ZFPM2: variants seen among roughly 807,000 people sequenced by gnomAD.
ZFPM2 encodes zinc finger protein ZFPM2.
In ZFPM2, 20 loss-of-function variants were observed where a neutral mutation model predicts 98.6. That is an observed-to-expected ratio of 0.20 (90% CI 0.14 to 0.29). The LOEUF (loss-of-function observed/expected upper bound fraction) is 0.29. ZFPM2 is among the 10% of genes least tolerant of loss of function. The pLI is 1.00. For synonymous variants in ZFPM2, 518 were observed against 502.7 expected, an observed-to-expected ratio of 1.03 and a Z score of -0.41; for missense variants, 1,310 against 1,388.6, an observed-to-expected ratio of 0.94 and a Z score of 0.90.
intron 3 of ZFPM2, among the ~76,000 whole-genome samples, chr8:105,447,182 A>G (rs996482855): frequency 6.6e-6 from 1 of 151,866 alleles, no homozygotes; most frequent in African/African-American, 2.4e-5. Context: ...GAATATATAC[A>G]CCTACTATAT....
intron 1 of ZFPM2, among the ~76,000 whole-genome samples, chr8:105,368,933 A>G (rs1173665549): frequency 6.6e-6 from 1 of 152,174 alleles, no homozygotes; most frequent in Non-Finnish European, 1.5e-5. Flanking sequence ...TTTGAAGTGC[A>G]TGGCTATGAG....
intron 3 of ZFPM2, among the ~76,000 whole-genome samples, chr8:105,488,928 A>C (rs302955): frequency 6.6e-6 from 1 of 152,154 alleles, no homozygotes; most frequent in Non-Finnish European, 1.5e-5. Flanking sequence ...CCATTATGTA[A>C]TTTAGTTTGA....
intron 5 of ZFPM2, among the ~76,000 whole-genome samples, chr8:105,667,784 A>G (rs1292624491): frequency 6.6e-6 from 1 of 152,132 alleles, no homozygotes; most frequent in Admixed American, 6.6e-5. Context: ...TTTTTGTTTT[A>G]AAAGATAGTT....
At chr8:105,796,159 T>C (rs150559889) in intron 6 of ZFPM2, among the ~76,000 whole-genome samples, 3 of 152,350 alleles carry the variant, frequency 2.0e-5, no homozygotes, top group Non-Finnish European at 4.4e-5. Flanking sequence ...AATGTACTTA[T>C]TTTCTTTCCT....
chr8:105,535,648 G>A (rs1814434805), intron 3 of ZFPM2, among the ~76,000 whole-genome samples: 1 of 152,116 alleles, frequency 6.6e-6, no homozygotes, highest in African/African-American at 2.4e-5. Context: ...AGGCCTAGAA[G>A]GACTGTGAGG....
At chr8:105,356,599 A>C (rs559888198) in intron 1 of ZFPM2, among the ~76,000 whole-genome samples, 36 of 152,214 alleles carry the variant, frequency 2.4e-4, no homozygotes, top group Non-Finnish European at 4.7e-4. Context: ...CCCTTTTCAC[A>C]GCTATGCTTA....
At chr8:105,618,722 T>G (rs1234912911) in intron 4 of ZFPM2, among the ~76,000 whole-genome samples, 2 of 152,136 alleles carry the variant, frequency 1.3e-5, no homozygotes, top group African/African-American at 4.8e-5. Context: ...TTGGAGATGA[T>G]GCAAGTAAGA....
At chr8:105,619,075 A>G (rs924576874) in intron 4 of ZFPM2, among the ~76,000 whole-genome samples, 19 of 152,204 alleles carry the variant, frequency 1.2e-4, no homozygotes, top group African/African-American at 4.6e-4. Context: ...TAGGTTTTAA[A>G]CATAGTTATA....
rs1424727823 is a variant in ZFPM2 at position 105,582,601 on chromosome 8, C to T, written c.420+21120C>T. Among the ~76,000 whole-genome samples, 6 of 151,942 alleles carry T rather than the reference C, an allele frequency of 3.9e-5. No homozygotes were observed. In the East Asian group the frequency reaches 7.7e-4, roughly 20 times the overall value. On this transcript the variant is annotated intron_variant, in intron 4 of 7. Transcript: ENST00000407775. Reference sequence around the variant, plus strand: ...TGTTTGGCAGCAGTGTTTGTTTGTTCGTTTGTTTGTTTAGACAGGGTCTCA... The same window carrying T: ...TGTTTGGCAGCAGTGTTTGTTTGTTTGTTTGTTTGTTTAGACAGGGTCTCA...
At chr8:105,598,425 G>A (rs554218326) in intron 4 of ZFPM2, among the ~76,000 whole-genome samples, 3 of 152,118 alleles carry the variant, frequency 2.0e-5, no homozygotes, top group Non-Finnish European at 4.4e-5. Context: ...TTTAAACTTA[G>A]AATATATGCT....
At chr8:105,642,717 C>T (rs1224993355) in intron 5 of ZFPM2, among the ~76,000 whole-genome samples, 1 of 152,054 alleles carries the variant, frequency 6.6e-6, no homozygotes, top group Non-Finnish European at 1.5e-5. Flanking sequence ...ATATGAGACA[C>T]CCCCCAGCTT....
intron 3 of ZFPM2, among the ~76,000 whole-genome samples, chr8:105,496,290 G>A (rs542393342): frequency 2.0e-5 from 3 of 152,228 alleles, no homozygotes; most frequent in East Asian, 3.9e-4. Flanking sequence ...GGGATTATGG[G>A]CCTGAACCAC....
intron 1 of ZFPM2, among the ~76,000 whole-genome samples, chr8:105,336,584 G>C (rs1812328864): frequency 6.6e-6 from 1 of 151,352 alleles, no homozygotes; most frequent in Non-Finnish European, 1.5e-5. Context: ...TCACCCTAAA[G>C]TAATTTTAAA....
rs1811248453 is a variant in ZFPM2, at chr8:105,397,620, A to G, written c.41-21524A>G. 2.7e-5 allele frequency among the ~76,000 whole-genome samples: 4 copies of G among 150,560 alleles called. No individual in the cohort carries two copies. In the South Asian group the frequency reaches 8.3e-4, roughly 31 times the overall value. On this transcript the variant is annotated intron_variant, in intron 1 of 7. Coordinates refer to ENST00000407775, the MANE Select transcript of ZFPM2 (RefSeq NM_012082.4). The stretch of plus-strand genomic sequence containing the variant: ...CTGAGGAGTTTTTGCTCTTAGAGGT[A>G]CATTAAATAGCCAACTTTCTGTCCC...
Position 105,803,210 on chromosome 8 carries a change from T to C in ZFPM2, c.3128T>C (p.Ile1043Thr). 6.2e-7 allele frequency: 1 copy of C among 1,612,974 alleles called. No homozygotes were observed. The highest frequency in any genetic ancestry group is 1.1e-5 in the South Asian group (1 of 91,002). The change falls in exon 8 of 8, where the codon ATA becomes ACA. Residue 1043 changes from isoleucine (I) to threonine (T), a missense_variant. Physicochemically the swap from Ile to Thr is moderately conservative, Grantham distance 89 (BLOSUM62 -1). Coordinates refer to ENST00000407775, the MANE Select transcript of ZFPM2 (RefSeq NM_012082.4). Reference sequence around the variant, plus strand: ...TTGCCCAAAAATCGAGGAATGGTAATAGTGAATGGTGGACTGAAACAAGAT... The same window carrying C: ...TTGCCCAAAAATCGAGGAATGGTAACAGTGAATGGTGGACTGAAACAAGAT... ...PLLPKNRGMV[I>T]VNGGLKQDER...
intron 5 of ZFPM2, among the ~76,000 whole-genome samples, chr8:105,734,511 A>G (rs1002091846): frequency 3.3e-5 from 5 of 151,944 alleles, no homozygotes; most frequent in African/African-American, 1.2e-4. Context: ...AGTATCCACG[A>G]GATGGTTAAT....
intron 4 of ZFPM2, among the ~76,000 whole-genome samples, chr8:105,576,643 G>C (rs1177995688): frequency 6.6e-6 from 1 of 152,160 alleles, no homozygotes; most frequent in Non-Finnish European, 1.5e-5. Context: ...AAAAAGCTTT[G>C]ATAGGATAGA....
At chr8:105,719,674 A>T (rs1276394438) in intron 5 of ZFPM2, among the ~76,000 whole-genome samples, 1 of 151,948 alleles carries the variant, frequency 6.6e-6, no homozygotes, top group African/African-American at 2.4e-5. Context: ...GCATCTAATA[A>T]GTAGTAAAAC....
intron 5 of ZFPM2, among the ~76,000 whole-genome samples, chr8:105,775,077 T>TAAAAAA (rs397968210): frequency 1.9e-5 from 2 of 104,928 alleles, no homozygotes; most frequent in Non-Finnish European, 2.0e-5. Flanking sequence ...CTCTTGGAAT[T>TAAAAAA]AAAAAAAAAA....
Sources: gnomAD v4.1 joint callset for allele counts (sites outside exome capture counted in the v4.1 genomes callset) on GRCh38, gnomAD v4.1.1 for gene constraint, MANE v1.5 for transcripts, NCBI Gene and HGNC (gene_info 2026-07-23, HGNC 2026-07-21) for gene names.